AFF2: variants seen among roughly 807,000 people sequenced by gnomAD.
AFF2 encodes the protein AF4/FMR2 family member 2.
In AFF2, 14 loss-of-function variants were observed where a neutral mutation model predicts 76.9. The observed-to-expected ratio is 0.18, with a 90% CI of 0.12 to 0.28. The LOEUF is 0.28. Ranked by LOEUF, AFF2 falls within the 10% of genes least tolerant of loss-of-function variation. AFF2 has a pLI of 1.00. For missense variants in AFF2, 868 were observed against 1,001.1 expected (o/e 0.87, Z 1.79); for synonymous variants, 398 against 366.7 (o/e 1.09, Z -0.98).
chrX:148,789,972 C>T (rs1159367507), intron 3 of AFF2, among the ~76,000 whole-genome samples: 1 of 110,791 alleles, frequency 9.0e-6, no homozygotes, highest in Non-Finnish European at 1.9e-5. Context: ...TATTATGGGT[C>T]ACCCCTCTTC....
chrX:148,936,177 T>C (rs1297092584), intron 9 of AFF2, among the ~76,000 whole-genome samples: 2 of 111,300 alleles, frequency 1.8e-5, no homozygotes, highest in African/African-American at 6.5e-5. Flanking sequence ...TTATTTATAC[T>C]CCTGCAGAAA....
chrX:148,688,362 A>G (rs1371670253), intron 3 of AFF2, among the ~76,000 whole-genome samples: 3 of 111,476 alleles, frequency 2.7e-5, no homozygotes, highest in African/African-American at 9.8e-5. Context: ...GTGTGCCATC[A>G]TACTTTTACC....
Position 148,958,382 on chromosome X carries a change from G to C in AFF2, c.2614G>C (p.Glu872Gln), listed in dbSNP as rs2072067846. 1 of 1,208,976 alleles carries C rather than the reference G, an allele frequency of 8.3e-7. No individual in the cohort carries two copies. The highest frequency in any genetic ancestry group is 2.2e-5 in the Admixed American group (1 of 45,702). Residue 872 changes from glutamate (E) to glutamine (Q), a missense_variant, in exon 12 of 21, where the codon GAG becomes CAG. Coordinates refer to ENST00000370460, the MANE Select transcript of AFF2 (RefSeq NM_002025.4). ...GATCCCTGAGAAGAAGCAGCGCCTG[G>C]AGGAGGCCACAACTATCTGCTTGCT... ...EKIPEKKQRL[E>Q]EATTICLLPP...
chrX:148,565,282 C>T (rs2053156555), intron 1 of AFF2, among the ~76,000 whole-genome samples: 1 of 110,768 alleles, frequency 9.0e-6, no homozygotes, highest in South Asian at 3.8e-4. Flanking sequence ...ACTCTGTTTC[C>T]CCTGTATTTT....
Position 149,000,480 on chromosome X carries a change from T to TG in AFF2, c.*9148_*9149insG. On this transcript the variant is annotated 3_prime_UTR_variant, in exon 21 of 21. Coordinates refer to ENST00000370460, the MANE Select transcript of AFF2 (RefSeq NM_002025.4). ...GCACAAGCGTTTTGTTGGTGCTTTG[T>TG]TCTCAGTACAGTAACTCTGTGTACA... is the stretch of plus-strand genomic sequence containing the variant. 8.8e-6 allele frequency: 1 copy of TG among 113,182 alleles called. No homozygotes were observed. Among genetic ancestry groups the TG allele is most frequent in the South Asian group, 3.6e-4 (1 of 2,763 alleles). The allele number at this position is 113,182 out of a possible 1,213,427, so 9.3% of individuals were successfully genotyped here.
chrX:148,966,670 T>G (rs902720040), intron 13 of AFF2, 120 bp from the exon 14 acceptor site: 187 of 1,038,522 alleles, frequency 1.8e-4, no homozygotes, highest in Non-Finnish European at 2.2e-4. Context: ...TGTGCATTGT[T>G]TTCTTTCTTT....
chrX:148,636,819 A>C (rs1304963899), intron 1 of AFF2, among the ~76,000 whole-genome samples: 2 of 110,279 alleles, frequency 1.8e-5, no homozygotes, highest in Non-Finnish European at 1.9e-5. Flanking sequence ...GAAAAAAAAA[A>C]CCAGACATAA....
chrX:148,628,209 C>A (rs782018851), intron 1 of AFF2, among the ~76,000 whole-genome samples: 1 of 110,974 alleles, frequency 9.0e-6, no homozygotes, highest in Non-Finnish European at 1.9e-5. Flanking sequence ...GTGAATGTAC[C>A]TAATGCCACT....
At chrX:148,543,932 T>C (rs1347547712) in intron 1 of AFF2, among the ~76,000 whole-genome samples, 1 of 112,320 alleles carries the variant, frequency 8.9e-6, no homozygotes, top group African/African-American at 3.2e-5. Context: ...TTTTTGTCCC[T>C]CCATGTTCTG....
In AFF2 at chrX:148,997,701, TGGCATTACACTTACACA is replaced by T. The variant is rs2124451213; in HGVS notation, c.*6372_*6388del. ...TGGTAACATCCGGGTCTGATTTAATTGGCATTACACTTACACAGGGACTCTGAGCACCCCCGTCACCA... is the reference window on the plus strand; with the variant it reads ...TGGTAACATCCGGGTCTGATTTAATTGGGACTCTGAGCACCCCCGTCACCA... On this transcript the variant is annotated 3_prime_UTR_variant, in exon 21 of 21. Coordinates refer to ENST00000370460, the MANE Select transcript of AFF2 (RefSeq NM_002025.4). 1 of 110,979 alleles carries T rather than the reference TGGCATTACACTTACACA, an allele frequency of 9.0e-6. No individual in the cohort carries two copies. Among genetic ancestry groups the T allele is most frequent in the African/African-American group, 3.3e-5 (1 of 30,757 alleles). The allele number at this position is 110,979 out of a possible 1,213,427, so 9.1% of individuals were successfully genotyped here.
At chrX:148,832,711 G>A (rs782470988) in intron 4 of AFF2, among the ~76,000 whole-genome samples, 28 of 112,006 alleles carry the variant, frequency 2.5e-4, no homozygotes, top group Admixed American at 1.2e-3. Flanking sequence ...AGAGATGAAC[G>A]GTATTGCTAA....
intron 1 of AFF2, among the ~76,000 whole-genome samples, chrX:148,608,848 A>C (rs782352795): frequency 5.4e-5 from 6 of 111,815 alleles, no homozygotes; most frequent in Admixed American, 9.5e-5. Flanking sequence ...GCTTTTAACA[A>C]CACGAATGTT....
At chrX:148,622,759 G>T (rs1189496948) in intron 1 of AFF2, among the ~76,000 whole-genome samples, 2 of 111,761 alleles carry the variant, frequency 1.8e-5, no homozygotes, top group Non-Finnish European at 3.8e-5. Flanking sequence ...CTCTTGCGAT[G>T]TAGTCCCAGG....
intron 9 of AFF2, among the ~76,000 whole-genome samples, chrX:148,906,345 G>A (rs2071407235): frequency 8.9e-6 from 1 of 111,935 alleles, no homozygotes; most frequent in Admixed American, 9.4e-5. Context: ...AGCAGTTGTT[G>A]GCCAACCTCC....
At chrX:148,563,762 G>T (rs184776856) in intron 1 of AFF2, among the ~76,000 whole-genome samples, 13 of 112,064 alleles carry the variant, frequency 1.2e-4, no homozygotes, top group Admixed American at 3.8e-4. Flanking sequence ...ACACATTCAT[G>T]TGTAGGATTT....
chrX:148,888,252 A>G (rs1171971313), intron 8 of AFF2, among the ~76,000 whole-genome samples: 4 of 110,672 alleles, frequency 3.6e-5, no homozygotes, highest in African/African-American at 1.3e-4. Context: ...TGTCTGTTTC[A>G]TGTAACTGGA....
At chrX:148,807,538 C>T (rs1428440422) in intron 3 of AFF2, among the ~76,000 whole-genome samples, 3 of 112,155 alleles carry the variant, frequency 2.7e-5, no homozygotes, top group Admixed American at 9.4e-5. Context: ...TCCTTCCCAA[C>T]CCTTTTGACT....
At chrX:148,900,739 A>G (rs1417129198) in intron 8 of AFF2, among the ~76,000 whole-genome samples, 2 of 111,807 alleles carry the variant, frequency 1.8e-5, no homozygotes, top group Non-Finnish European at 3.8e-5. Flanking sequence ...AGAGAGAGAA[A>G]AGAGAGAAAG....
At chrX:148,669,992 A>G (rs181885125) in intron 3 of AFF2, among the ~76,000 whole-genome samples, 1 of 111,391 alleles carries the variant, frequency 9.0e-6, no homozygotes, top group East Asian at 2.8e-4. Flanking sequence ...CATTTTGTTT[A>G]TGCTTTTTTA....
Sources: allele counts gnomAD v4.1 joint callset (sites outside exome capture counted in the v4.1 genomes callset), GRCh38; gene constraint gnomAD v4.1.1; transcripts MANE v1.5; gene names NCBI Gene and HGNC (gene_info 2026-07-23, HGNC 2026-07-21).